The following ADCY2 variants were observed in gnomAD, a reference collection of about 807,000 sequenced individuals.
ADCY2 encodes adenylate cyclase 2, also known as adenylate cyclase type 2.
ADCY2 carries 31 observed loss-of-function variants against 125.2 expected under a neutral mutation model. The observed-to-expected ratio is 0.25, with a 90% CI of 0.19 to 0.33. The LOEUF (loss-of-function observed/expected upper bound fraction) is 0.33. Ranked by LOEUF, ADCY2 falls within the 10% of genes least tolerant of loss-of-function variation. The probability of loss-of-function intolerance (pLI) is 1.00; values close to 1 mark genes in which losing one functional copy is unlikely to be tolerated. For missense variants in ADCY2, 904 were observed against 1,418.2 expected (o/e 0.64, Z 5.82); for synonymous variants, 512 against 548.4 (o/e 0.93, Z 0.93).
intron 2 of ADCY2, among the ~76,000 whole-genome samples, chr5:7,443,333 T>A (rs11134232): frequency 0.37 from 56,136 of 151,924 alleles, 10,566 homozygotes; most frequent in South Asian, 0.51. Flanking sequence ...TCAACACCTT[T>A]AAATAATTAT....
At chr5:7,686,477 A>G (rs1415150055) in intron 4 of ADCY2, among the ~76,000 whole-genome samples, 1 of 152,242 alleles carries the variant, frequency 6.6e-6, no homozygotes, top group African/African-American at 2.4e-5. Flanking sequence ...ATCAAGGGCA[A>G]GTTATTAATC....
chr5:7,504,102 A>G (rs1743707914), intron 2 of ADCY2, among the ~76,000 whole-genome samples: 2 of 152,172 alleles, frequency 1.3e-5, no homozygotes, highest in South Asian at 4.1e-4. Flanking sequence ...GGATTGAGAA[A>G]AACATCTGGT....
intron 11 of ADCY2, among the ~76,000 whole-genome samples, chr5:7,714,625 C>T (rs1453113572): frequency 2.0e-5 from 3 of 152,212 alleles, no homozygotes; most frequent in East Asian, 1.9e-4. Flanking sequence ...GCTCTGTGAC[C>T]GCAGAGCACA....
chr5:7,677,545 A>G (rs1185498110), intron 4 of ADCY2, among the ~76,000 whole-genome samples: 1 of 152,164 alleles, frequency 6.6e-6, no homozygotes, highest in Admixed American at 6.5e-5. Context: ...CTGCCCTGAG[A>G]ACACCATTAG....
chr5:7,804,063 A>AGAGAGAGAGAGAGAGAGAGAGG (rs1370204515), intron 21 of ADCY2, among the ~76,000 whole-genome samples: 4 of 146,960 alleles, frequency 2.7e-5, no homozygotes. Flanking sequence ...AGAGAGAGAG[A>AGAGAGAGAGAGAGAGAGAGAGG]GAGAGAGAGA....
chr5:7,584,273 A>G (rs1736543442), intron 3 of ADCY2, among the ~76,000 whole-genome samples: 1 of 152,160 alleles, frequency 6.6e-6, no homozygotes, highest in African/African-American at 2.4e-5. Context: ...TGAAGGATCA[A>G]AACTCCAAAA....
rs60705318 is a variant in ADCY2, at chr5:7,501,646, T to TCC, written c.409-19081_409-19080dup. Among the ~76,000 whole-genome samples the TCC allele has an allele frequency of 7.1e-3, 289 of 40,482 alleles. 19 individuals are homozygous for TCC. Among genetic ancestry groups the TCC allele is most frequent in the African/African-American group, 0.014 (145 of 10,134 alleles). The allele number at this position is 40,482 out of a possible 152,430, so 26.6% of individuals were successfully genotyped here. A position where few individuals can be genotyped will look rare whatever the true frequency, so the allele number is the denominator to read the frequency against. ...ATCAAAAAAGAATGAGATTCCCCCC[T>TCC]CCCCCCCCCCCCGCCAGTAACTTCA... On this transcript the variant is annotated intron_variant, in intron 2 of 24. Coordinates refer to ENST00000338316, the MANE Select transcript of ADCY2 (RefSeq NM_020546.3).
intron 15 of ADCY2, among the ~76,000 whole-genome samples, chr5:7,752,161 G>T (rs1440062315): frequency 6.6e-6 from 1 of 152,160 alleles, no homozygotes; most frequent in Admixed American, 6.5e-5. Context: ...TGTAAAATAT[G>T]ATTGATTGGC....
intron 14 of ADCY2, among the ~76,000 whole-genome samples, chr5:7,740,778 A>G (rs1378865397): frequency 1.3e-5 from 2 of 152,108 alleles, no homozygotes; most frequent in South Asian, 2.1e-4. Context: ...ATGAGTAGCT[A>G]TGAATTAAAG....
intron 10 of ADCY2, among the ~76,000 whole-genome samples, chr5:7,710,761 G>T (rs1579343457): frequency 1.3e-5 from 2 of 152,286 alleles, no homozygotes; most frequent in South Asian, 4.1e-4. Context: ...ATATAATTTA[G>T]GCTTTGGAAT....
At chr5:7,585,343 C>G (rs1000992808) in intron 3 of ADCY2, among the ~76,000 whole-genome samples, 1 of 152,142 alleles carries the variant, frequency 6.6e-6, no homozygotes, top group African/African-American at 2.4e-5. Flanking sequence ...CGTATTCATC[C>G]ACAGACCACG....
At position 7,804,709 on chromosome 5, in the gene ADCY2, A is replaced by G; in HGVS notation, c.2883+17A>G. ...CACTCCCAGGTAAGACGCGTTGGCC[A>G]CTTAACGGCACAGGTGAGCCTCAAC... On this transcript the variant is annotated intron_variant, in intron 22 of 24. Coordinates refer to ENST00000338316, the MANE Select transcript of ADCY2 (RefSeq NM_020546.3). The G allele has an allele frequency of 1.3e-6, 2 of 1,595,426 alleles. No homozygotes were observed. The highest frequency in any genetic ancestry group is 1.1e-5 in the South Asian group (1 of 90,664).
At position 7,507,309 on chromosome 5, in the gene ADCY2, C is replaced by T. The variant is rs377747427; in HGVS notation, c.409-13429C>T. Among the ~76,000 whole-genome samples, 186 of 141,148 alleles carry T rather than the reference C, an allele frequency of 1.3e-3. 3 individuals are homozygous for T. In the Middle Eastern group the frequency reaches 0.015, roughly 11 times the overall value. 92.6% of individuals were successfully genotyped at this position (141,148 alleles called of 152,430 possible). The stretch of plus-strand genomic sequence containing the variant: ...ACAAAAAATTAGCCGGGCGTAGTGG[C>T]GGGCGCCTGTAGTCCCAGCTACTTG... On this transcript the variant is annotated intron_variant, in intron 2 of 24. Transcript: ENST00000338316.
intron 7 of ADCY2, among the ~76,000 whole-genome samples, chr5:7,699,124 G>T: frequency 1.2e-5 from 1 of 84,764 alleles, no homozygotes; most frequent in African/African-American, 4.3e-5. Context: ...TTGAGACGGA[G>T]TCTCGCTCTG....
At chr5:7,823,821 C>T (rs1325973101) in intron 24 of ADCY2, among the ~76,000 whole-genome samples, 1 of 152,160 alleles carries the variant, frequency 6.6e-6, no homozygotes, top group Admixed American at 6.5e-5. Flanking sequence ...TCCTAGAGGT[C>T]GATGTTTGAA....
chr5:7,589,458 A>AAAAGAAAAAG (rs1736747926), intron 3 of ADCY2, among the ~76,000 whole-genome samples: 1 of 72,932 alleles, frequency 1.4e-5, no homozygotes. Flanking sequence ...GAAGGAAAGA[A>AAAAGAAAAAG]AAAGAAAGAA....
At chr5:7,624,145 T>G (rs1030814614) in intron 3 of ADCY2, among the ~76,000 whole-genome samples, 1 of 152,182 alleles carries the variant, frequency 6.6e-6, no homozygotes, top group Non-Finnish European at 1.5e-5. Context: ...CCTCGTCACA[T>G]CATTCTTTTA....
rs777343291 is a variant in ADCY2 at position 7,513,106 on chromosome 5, C to CACACACACACACACACACACACAG, written c.409-7631_409-7630insCACACACACACACACACACACAGA. Among the ~76,000 whole-genome samples, 330 of 138,508 alleles carry CACACACACACACACACACACACAG rather than the reference C, an allele frequency of 2.4e-3. 1 individual carries two copies. Among genetic ancestry groups the CACACACACACACACACACACACAG allele is most frequent in the Middle Eastern group, 3.8e-3 (1 of 262 alleles). 90.9% of individuals were successfully genotyped at this position (138,508 alleles called of 152,430 possible). ...ACACACACACACACACACACACACA[C>CACACACACACACACACACACACAG]AGAGAGAGAGAGAGAGAGAGAGAGC... is the stretch of plus-strand genomic sequence containing the variant. On this transcript the variant is annotated intron_variant, in intron 2 of 24. Coordinates refer to ENST00000338316, the MANE Select transcript of ADCY2 (RefSeq NM_020546.3).
intron 2 of ADCY2, among the ~76,000 whole-genome samples, chr5:7,445,788 T>C (rs918157193): frequency 6.6e-6 from 1 of 152,356 alleles, no homozygotes; most frequent in Admixed American, 6.5e-5. Flanking sequence ...CTTTTTTTCA[T>C]ATTTTTGTTT....
Sources: allele counts gnomAD v4.1 joint callset (sites outside exome capture counted in the v4.1 genomes callset), GRCh38; gene constraint gnomAD v4.1.1; transcripts MANE v1.5; gene names NCBI Gene and HGNC (gene_info 2026-07-23, HGNC 2026-07-21).